Variants in GALNT14 observed in about 807,000 individuals in gnomAD.
GALNT14 encodes UDP-GalNAc:polypeptide N-acetylgalactosaminyltransferase 14.
A neutral mutation model predicts 77.5 loss-of-function variants in GALNT14; 60 were observed. The ratio of observed to expected loss-of-function variants is 0.77; its 90% CI spans 0.63 to 0.96. GALNT14 has a LOEUF of 0.96. Among genes scored for constraint, GALNT14 ranks in the 40% least tolerant of loss-of-function variants. The pLI is 0.00. For missense variants in GALNT14, 710 were observed against 731.0 expected (o/e 0.97, Z 0.33); for synonymous variants, 280 against 281.7 (o/e 0.99, Z 0.06).
At chr2:31,061,856 G>A (rs1245460370) in intron 1 of GALNT14, among the ~76,000 whole-genome samples, 1 of 152,126 alleles carries the variant, frequency 6.6e-6, no homozygotes, top group East Asian at 1.9e-4. Context: ...TCCACCTGCT[G>A]AGAACTCATT....
chr2:30,902,919 G>A, the GALNT14 span, among the ~76,000 whole-genome samples: 1 of 152,154 alleles, frequency 6.6e-6, no homozygotes, highest in African/African-American at 2.4e-5. Flanking sequence ...GAACATGCCT[G>A]TTCTCATTCT....
intron 1 of GALNT14, among the ~76,000 whole-genome samples, chr2:31,014,897 C>T (rs1181829575): frequency 1.3e-5 from 2 of 152,042 alleles, no homozygotes; most frequent in Admixed American, 6.6e-5. Context: ...AAACATGAGA[C>T]AGAAGTGTAA....
At chr2:31,081,478 A>C (rs1353102898) in intron 1 of GALNT14, among the ~76,000 whole-genome samples, 4 of 152,218 alleles carry the variant, frequency 2.6e-5, no homozygotes, top group Non-Finnish European at 5.9e-5. Flanking sequence ...AAAATATAAT[A>C]TTACAAGTGT....
At chr2:30,977,729 G>A (rs1407499824) in intron 2 of GALNT14, among the ~76,000 whole-genome samples, 1 of 152,050 alleles carries the variant, frequency 6.6e-6, no homozygotes, top group Non-Finnish European at 1.5e-5. Context: ...TTCCCCAGGG[G>A]ACTCACATCC....
At chr2:31,038,202 C>G (rs1672878537) in intron 1 of GALNT14, among the ~76,000 whole-genome samples, 1 of 148,076 alleles carries the variant, frequency 6.8e-6, no homozygotes, top group African/African-American at 2.5e-5. Flanking sequence ...TCAAGTGATT[C>G]TCCTGCCTCA....
At chr2:30,911,764 T>G (rs999900848) in intron 14 of GALNT14, among the ~76,000 whole-genome samples, 1 of 152,198 alleles carries the variant, frequency 6.6e-6, no homozygotes. Context: ...CAATACCCAG[T>G]TGGCAAGAAA....
intron 2 of GALNT14, among the ~76,000 whole-genome samples, chr2:30,991,816 C>T (rs1394034174): frequency 6.6e-6 from 1 of 152,158 alleles, no homozygotes; most frequent in Non-Finnish European, 1.5e-5. Flanking sequence ...GTCCGCCAGC[C>T]TTCACAGGGT....
intron 1 of GALNT14, among the ~76,000 whole-genome samples, chr2:31,128,364 T>A (rs1678802100): frequency 6.6e-6 from 1 of 152,172 alleles, no homozygotes; most frequent in African/African-American, 2.4e-5. Flanking sequence ...GGGCACCCTC[T>A]ACATTAAGGT....
intron 1 of GALNT14, among the ~76,000 whole-genome samples, chr2:31,055,379 A>G (rs1042332004): frequency 2.0e-5 from 3 of 152,252 alleles, no homozygotes; most frequent in Non-Finnish European, 2.9e-5. Context: ...AAACGCTTCA[A>G]TTAAAGGCAC....
chr2:31,021,447 G>T (rs1671711992), intron 1 of GALNT14, among the ~76,000 whole-genome samples: 1 of 151,828 alleles, frequency 6.6e-6, no homozygotes, highest in African/African-American at 2.4e-5. Context: ...TGGGATTACA[G>T]GCGCCCACCA....
At chr2:31,078,863 A>G in intron 1 of GALNT14, 1 of 1,239,974 alleles carries the variant, frequency 8.1e-7, no homozygotes, top group Non-Finnish European at 1.1e-6. Flanking sequence ...ACAGGAGAGC[A>G]GGGGAAAGTA....
Position 31,138,154 on chromosome 2 carries a change from C to T in GALNT14, c.-68G>A, listed in dbSNP as rs1679315081. ...GGCACCCCCCGGCGGTCAGGGTTGG[C>T]GGGGCAGGAGTCCTGGCGAGCGCCT... On this transcript the variant is annotated 5_prime_UTR_variant, in exon 1 of 15. Transcript: ENST00000349752. The T allele has an allele frequency of 1.9e-6, 3 of 1,605,926 alleles. No homozygotes were observed. The highest frequency in any genetic ancestry group is 1.3e-5 in the African/African-American group (1 of 74,724).
intron 1 of GALNT14, among the ~76,000 whole-genome samples, chr2:31,026,904 C>T (rs1022613277): frequency 6.8e-6 from 1 of 147,750 alleles, no homozygotes; most frequent in East Asian, 2.1e-4. Flanking sequence ...GAAATGTATA[C>T]TGCAGCCAGT....
In GALNT14 at chr2:30,932,129, G is replaced by T; in HGVS notation, c.997C>A (p.His333Asn). 6.4e-7 allele frequency: 1 copy of T among 1,573,086 alleles called. No individual in the cohort carries two copies. The highest frequency in any genetic ancestry group is 8.6e-7 in the Non-Finnish European group (1 of 1,159,130). Residue 333 changes from histidine (H) to asparagine (N), a missense_variant, in exon 10 of 15, where the codon CAC becomes AAC. By Grantham distance (68) the His-to-Asn change is moderately conservative. Coordinates refer to ENST00000349752, the MANE Select transcript of GALNT14 (RefSeq NM_024572.4). ...LEIVPCSRVG[H>N]VFRKKHPYVF... ...TAGGGGTGCTTCTTCCGGAAGACGT[G>T]CCCCACTCGGCTGCAGGGGACGATC...
rs75990244 is a variant in GALNT14, at chr2:30,975,209, G to A, written c.300-8907C>T. Among the ~76,000 whole-genome samples, 35 of 152,312 alleles carry A rather than the reference G, an allele frequency of 2.3e-4. No homozygotes were observed. The East Asian group carries it at 6.5e-3, about 28-fold the overall frequency. On this transcript the variant is annotated intron_variant, in intron 2 of 14. Coordinates refer to ENST00000349752, the MANE Select transcript of GALNT14 (RefSeq NM_024572.4). ...GGTCTTAAGTTTTGTCTGTTATGCT[G>A]GAAATACTCAACTGTGTTTAAAAGG...
At chr2:31,020,150 C>T (rs1671625022) in intron 1 of GALNT14, among the ~76,000 whole-genome samples, 1 of 152,144 alleles carries the variant, frequency 6.6e-6, no homozygotes, top group African/African-American at 2.4e-5. Context: ...CTTGGGAACA[C>T]ACGTCAGAGA....
chr2:31,033,913 C>G (rs1212273194), intron 1 of GALNT14, among the ~76,000 whole-genome samples: 2 of 152,190 alleles, frequency 1.3e-5, no homozygotes, highest in Non-Finnish European at 2.9e-5. Flanking sequence ...GCAAACAAAC[C>G]CTCACATTTA....
chr2:31,025,049 G>T (rs181531403), intron 1 of GALNT14, among the ~76,000 whole-genome samples: 56 of 151,702 alleles, frequency 3.7e-4, no homozygotes, highest in African/African-American at 1.1e-3. Flanking sequence ...AAGTTATTAA[G>T]ACAGTTAAGT....
intron 1 of GALNT14, among the ~76,000 whole-genome samples, chr2:31,053,386 G>T (rs567795149): frequency 4.6e-4 from 70 of 152,242 alleles, no homozygotes; most frequent in African/African-American, 1.7e-3. Flanking sequence ...AGCACCTGCA[G>T]CTGGGTGAAC....
Sources: gnomAD v4.1 joint callset for allele counts (sites outside exome capture counted in the v4.1 genomes callset) on GRCh38, gnomAD v4.1.1 for gene constraint, MANE v1.5 for transcripts, NCBI Gene and HGNC (gene_info 2026-07-23, HGNC 2026-07-21) for gene names.